Variants in OR7E24 observed in about 807,000 individuals in gnomAD.
OR7E24 encodes the protein olfactory receptor 7E24.
For synonymous variants in OR7E24, 130 were observed against 157.5 expected, an observed-to-expected ratio of 0.83 and a Z score of 1.31; for missense variants, 385 against 410.3, an observed-to-expected ratio of 0.94 and a Z score of 0.53.
the OR7E24 span, among the ~76,000 whole-genome samples, chr19:9,231,175 C>T: frequency 6.6e-6 from 1 of 152,104 alleles, no homozygotes; most frequent in Non-Finnish European, 1.5e-5. Context: ...CCACCTCAGC[C>T]TCCCAAAGTG....
the OR7E24 span, among the ~76,000 whole-genome samples, chr19:9,224,221 C>G: frequency 6.6e-6 from 1 of 152,014 alleles, no homozygotes; most frequent in Admixed American, 6.6e-5. Flanking sequence ...TCAGATGTGC[C>G]ATTTCCACCA....
Position 9,251,841 on chromosome 19 carries a change from T to C in OR7E24, c.798T>C (p.Val266=). The C allele has an allele frequency of 6.2e-7, 1 of 1,614,022 alleles. No individual in the cohort carries two copies. The highest frequency in any genetic ancestry group is 8.5e-7 in the Non-Finnish European group (1 of 1,179,960). ...CCTGTGGCTCTCACCTGGCAGTTGT[T>C]TGCTTATTTTATGGAACAGGGCTTG... ...FSTCGSHLAV[V]CLFYGTGLVG... Residue 266 remains valine (V), a synonymous_variant, in exon 1 of 1, where the codon GTT becomes GTC. Transcript: ENST00000456448.
the OR7E24 span, chr19:9,213,730 T>C: frequency 1.6e-6 from 1 of 609,672 alleles, no homozygotes; most frequent in East Asian, 2.8e-5. Flanking sequence ...AGAGCCAGAC[T>C]CTGTCTCAAA....
At chr19:9,232,538 CAA>C in the OR7E24 span, among the ~76,000 whole-genome samples, 72 of 62,548 alleles carry the variant, frequency 1.2e-3, no homozygotes, top group South Asian at 3.8e-3. Context: ...AACTCCGTCG[CAA>C]AAAAAAAAAA....
upstream of OR7E24, among the ~76,000 whole-genome samples, chr19:9,244,433 A>G (rs1025962489): frequency 5.3e-5 from 8 of 152,244 alleles, no homozygotes. Flanking sequence ...ATGGGTGCCA[A>G]GAACATTCAT....
chr19:9,237,361 A>G, the OR7E24 span, among the ~76,000 whole-genome samples: 3 of 151,880 alleles, frequency 2.0e-5, no homozygotes, highest in African/African-American at 7.3e-5. Flanking sequence ...CCCAGGCTGG[A>G]GTGCAGTGGC....
At chr19:9,235,095 G>A in the OR7E24 span, 1 of 680,028 alleles carries the variant, frequency 1.5e-6, no homozygotes, top group South Asian at 1.8e-5. Flanking sequence ...ATATTGAAGA[G>A]TGATTGAATG....
the OR7E24 span, chr19:9,214,521 A>G: frequency 1.2e-6 from 2 of 1,614,164 alleles, no homozygotes; most frequent in Non-Finnish European, 1.7e-6. Flanking sequence ...TCCAGCAAAC[A>G]TCATTAAAAA....
At chr19:9,246,466 TTGTGTGTGTGTGTGTGTGTGTGTG>T (rs34518365), upstream of OR7E24, among the ~76,000 whole-genome samples, 4 of 130,986 alleles carry the variant, frequency 3.1e-5, no homozygotes, top group Non-Finnish European at 4.8e-5. Context: ...CTTAAAGGTA[TTGTGTGTGTGTGTGTGTGTGTGTG>T]TGTGTGTGTG....
Position 9,251,090 on chromosome 19 carries a change from C to T in OR7E24, c.47C>T (p.Pro16Leu), listed in dbSNP as rs762173423. ...TTTTTTTTTTTCCTCAAAAGGTGTC[C>T]GAGCTACACAGAGCCACAGAATCTC... ...ILFFFFLKRCPSYTEPQNLTG... is the reference protein window; with the variant it reads ...ILFFFFLKRCLSYTEPQNLTG... Residue 16 changes from proline (P) to leucine (L), a missense_variant, in exon 1 of 1, where the codon CCG (proline) becomes CTG (leucine). Physicochemically the swap from Pro to Leu is moderately conservative, Grantham distance 98 (BLOSUM62 -3). Transcript: ENST00000456448. 2.4e-5 allele frequency: 38 copies of T among 1,610,558 alleles called. No individual in the cohort carries two copies. Among genetic ancestry groups the T allele is most frequent in the African/African-American group, 9.4e-5 (7 of 74,660 alleles).
the OR7E24 span, chr19:9,214,433 G>T: frequency 6.2e-7 from 1 of 1,614,196 alleles, no homozygotes; most frequent in Non-Finnish European, 8.5e-7. Context: ...AGGGGTTCAT[G>T]ATGACCGTGT....
At chr19:9,223,346 T>C in the OR7E24 span, among the ~76,000 whole-genome samples, 1 of 152,258 alleles carries the variant, frequency 6.6e-6, no homozygotes. Flanking sequence ...CAGGCCATCA[T>C]ACCATCAGGT....
the OR7E24 span, among the ~76,000 whole-genome samples, chr19:9,227,573 G>A: frequency 6.6e-6 from 1 of 151,918 alleles, no homozygotes; most frequent in African/African-American, 2.4e-5. Flanking sequence ...TGGTGTATAT[G>A]TACCACATTT....
chr19:9,247,790 T>A (rs995720874), upstream of OR7E24, among the ~76,000 whole-genome samples: 2 of 152,204 alleles, frequency 1.3e-5, no homozygotes, highest in Non-Finnish European at 2.9e-5. Flanking sequence ...TTTTGTTCAT[T>A]TGCTCTTAAT....
the OR7E24 span, among the ~76,000 whole-genome samples, chr19:9,230,252 T>C: frequency 7.9e-5 from 12 of 152,138 alleles, no homozygotes; most frequent in South Asian, 2.3e-3. Flanking sequence ...TCCATGTTGC[T>C]CAGGCTGGTC....
At chr19:9,231,727 A>G in the OR7E24 span, among the ~76,000 whole-genome samples, 13 of 152,032 alleles carry the variant, frequency 8.6e-5, no homozygotes, top group African/African-American at 3.1e-4. Context: ...TATTATTGTG[A>G]TGAACTATGT....
chr19:9,252,599 T>G lies in OR7E24; in HGVS notation c.*536T>G, dbSNP rs1321658446. On this transcript the variant is annotated 3_prime_UTR_variant, in exon 1 of 1. Coordinates refer to ENST00000456448, the MANE Select transcript of OR7E24 (RefSeq NM_001079935.2). ...GTGTAATTTCTGTCCAAATCGCATC[T>G]AGGAAATCACTTTAGGCAGCTTACG... The G allele has an allele frequency of 6.5e-6, 1 of 153,704 alleles. No homozygotes were observed. The highest frequency in any genetic ancestry group is 1.9e-4 in the East Asian group (1 of 5,220). 9.5% of individuals were successfully genotyped at this position (153,704 alleles called of 1,614,324 possible). A position where few individuals can be genotyped will look rare whatever the true frequency, so the allele number is the denominator to read the frequency against.
chr19:9,237,345 C>G, the OR7E24 span, among the ~76,000 whole-genome samples: 2 of 151,954 alleles, frequency 1.3e-5, no homozygotes, highest in Non-Finnish European at 2.9e-5. Context: ...GAGTCTCGCT[C>G]TGTCCCCCAG....
the OR7E24 span, among the ~76,000 whole-genome samples, chr19:9,222,818 TA>T: frequency 6.6e-6 from 1 of 152,220 alleles, no homozygotes; most frequent in African/African-American, 2.4e-5. Flanking sequence ...TTGATTTAGC[TA>T]GAACTTCCAC....
Sources: allele counts gnomAD v4.1 joint callset (sites outside exome capture counted in the v4.1 genomes callset), GRCh38; gene constraint gnomAD v4.1.1; transcripts MANE v1.5; gene names NCBI Gene and HGNC (gene_info 2026-07-23, HGNC 2026-07-21).